Variants in ZNF565 observed in about 807,000 individuals in gnomAD.
ZNF565 encodes zinc finger protein 565.
Under a neutral mutation model 39.4 loss-of-function variants are expected in ZNF565, and 27 were observed. That is an observed-to-expected ratio of 0.69 (90% CI 0.51 to 0.95). The LOEUF (loss-of-function observed/expected upper bound fraction) is 0.95. ZNF565 is among the 40% of genes least tolerant of loss of function. The probability of loss-of-function intolerance (pLI) is 0.00; values close to 1 mark genes in which losing one functional copy is unlikely to be tolerated. For missense variants in ZNF565, 524 were observed against 621.1 expected, an observed-to-expected ratio of 0.84 and a Z score of 1.66; for synonymous variants, 185 against 216.6, an observed-to-expected ratio of 0.85 and a Z score of 1.28.
intron 1 of ZNF565, among the ~76,000 whole-genome samples, chr19:36,213,718 G>C (rs544870546): frequency 4.8e-4 from 67 of 139,444 alleles, no homozygotes; most frequent in African/African-American, 1.8e-3. Flanking sequence ...GTACAGGCCA[G>C]GCTGGTCTCG....
intron 1 of ZNF565, among the ~76,000 whole-genome samples, chr19:36,205,669 T>C (rs1976125392): frequency 6.6e-6 from 1 of 151,414 alleles, no homozygotes; most frequent in East Asian, 1.9e-4. Context: ...AAAGATTGAC[T>C]GAGAGGTACT....
Position 36,194,303 on chromosome 19 carries a change from G to T in ZNF565, c.162C>A (p.Val54=). ...CTTTCCCTTGCTCCAATAAGGAGAC[G>T]ACATCAGGCTTAGAAATGGAGAGTC... ...SLGLSISKPD[V]VSLLEQGKEP... The change falls in exon 4 of 5, where the codon GTC becomes GTA. Residue 54 remains valine (V), a synonymous_variant. Coordinates refer to ENST00000304116, the MANE Select transcript of ZNF565 (RefSeq NM_152477.5). The T allele has an allele frequency of 6.2e-7, 1 of 1,612,142 alleles. No homozygotes were observed. Among genetic ancestry groups the T allele is most frequent in the Non-Finnish European group, 8.5e-7 (1 of 1,179,190 alleles).
At chr19:36,222,070 C>G (rs56316708) in intron 1 of ZNF565, among the ~76,000 whole-genome samples, 33,082 of 150,864 alleles carry the variant, frequency 0.22, 3,654 homozygotes, top group African/African-American at 0.23. Context: ...GCTGGGACCA[C>G]AGGCACACTC....
chr19:36,219,519 T>A (rs192379224), upstream of ZNF565, among the ~76,000 whole-genome samples: 384 of 152,294 alleles, frequency 2.5e-3, 3 homozygotes, highest in African/African-American at 8.8e-3. Context: ...TTTTTTTTAA[T>A]TCTAATTGTG....
intron 1 of ZNF565, among the ~76,000 whole-genome samples, chr19:36,227,136 C>T (rs1977103323): frequency 2.0e-5 from 3 of 151,710 alleles, no homozygotes; most frequent in Admixed American, 2.0e-4. Context: ...CACCTGTAAT[C>T]CCAGCACTTT....
upstream of ZNF565, among the ~76,000 whole-genome samples, chr19:36,216,059 T>C (rs750516719): frequency 1.3e-5 from 2 of 152,194 alleles, no homozygotes; most frequent in African/African-American, 2.4e-5. Context: ...GCTGTCGTCA[T>C]TGACATAGTT....
At chr19:36,199,780 T>G (rs904272461) in intron 2 of ZNF565, among the ~76,000 whole-genome samples, 5 of 152,232 alleles carry the variant, frequency 3.3e-5, no homozygotes, top group African/African-American at 1.2e-4. Context: ...CCTCCCAAAG[T>G]GCTGGGATTA....
intron 1 of ZNF565, among the ~76,000 whole-genome samples, chr19:36,208,273 G>A (rs1243961761): frequency 2.7e-5 from 4 of 150,064 alleles, no homozygotes; most frequent in Non-Finnish European, 4.4e-5. Flanking sequence ...GGGCAGTGGC[G>A]CAATCACAGC....
intron 1 of ZNF565, among the ~76,000 whole-genome samples, chr19:36,234,253 A>G (rs900419939): frequency 6.6e-6 from 1 of 152,210 alleles, no homozygotes; most frequent in African/African-American, 2.4e-5. Context: ...TTCTTAGTAC[A>G]GAACAAAATG....
At chr19:36,195,293 T>C (rs1201288216) in intron 2 of ZNF565, 137 bp from the exon 3 acceptor site, 3 of 1,043,960 alleles carry the variant, frequency 2.9e-6, no homozygotes, top group African/African-American at 3.2e-5. Flanking sequence ...GCTTCAACAG[T>C]TAACAAGGTG....
intron 1 of ZNF565, among the ~76,000 whole-genome samples, chr19:36,205,250 C>T (rs138695443): frequency 5.1e-4 from 78 of 151,848 alleles, no homozygotes; most frequent in African/African-American, 1.6e-3. Context: ...GGTTTTCAGC[C>T]GGGCACGGTG....
Position 36,194,328 on chromosome 19 carries a change from C to A in ZNF565, c.137G>T (p.Gly46Val). Reference sequence around the variant, plus strand: ...GACATCAGGCTTAGAAATGGAGAGTCCTGTTTACAGGAAAAGAAATGGGGT... The same window carrying A: ...GACATCAGGCTTAGAAATGGAGAGTACTGTTTACAGGAAAAGAAATGGGGT... ...LENFGHLASL[G>V]LSISKPDVVS... is the part of the protein sequence containing the mutation. The change falls in exon 4 of 5, where the codon GGA becomes GTA. Residue 46 changes from glycine to valine, a missense_variant and splice_region_variant. Gly to Val is a moderately radical substitution (Grantham distance 109, BLOSUM62 -3). Transcript: ENST00000304116. 6.2e-7 allele frequency: 1 copy of A among 1,607,318 alleles called. No homozygotes were observed. The highest frequency in any genetic ancestry group is 1.1e-5 in the South Asian group (1 of 89,872).
At chr19:36,217,158 G>T (rs898637399), upstream of ZNF565, among the ~76,000 whole-genome samples, 1 of 135,952 alleles carries the variant, frequency 7.4e-6, no homozygotes, top group African/African-American at 2.7e-5. Flanking sequence ...TGCCCCCCAG[G>T]TTCAAGCGAT....
At chr19:36,202,249 C>A (rs567537294) in intron 1 of ZNF565, among the ~76,000 whole-genome samples, 199 bp from the exon 2 acceptor site, 1 of 152,220 alleles carries the variant, frequency 6.6e-6, no homozygotes, top group East Asian at 1.9e-4. Flanking sequence ...CGCCTGTAAA[C>A]CCAGCACCTT....
At position 36,182,814 on chromosome 19, in the gene ZNF565, G is replaced by A; in HGVS notation, c.1152C>T (p.Val384=). The change falls in exon 5 of 5, where the codon GTC becomes GTT. Residue 384 remains valine, a synonymous_variant. Coordinates refer to ENST00000304116, the MANE Select transcript of ZNF565 (RefSeq NM_152477.5). ...ATTCATAGGGTCTGTCGCCAGTATGGACTCTCTGATGTCGTGTGAGCTGTG... is the reference window on the plus strand; with the variant it reads ...ATTCATAGGGTCTGTCGCCAGTATGAACTCTCTGATGTCGTGTGAGCTGTG... ...QHAQLTRHQR[V]HTGDRPYECK... is the part of the protein sequence containing the mutation. 1 of 1,613,920 alleles carries A rather than the reference G, an allele frequency of 6.2e-7. No homozygotes were observed. Among genetic ancestry groups the A allele is most frequent in the Non-Finnish European group, 8.5e-7 (1 of 1,179,988 alleles).
intron 1 of ZNF565, among the ~76,000 whole-genome samples, chr19:36,207,535 T>G (rs1976199292): frequency 9.8e-6 from 1 of 101,698 alleles, no homozygotes. Context: ...TGAGACTCCA[T>G]CTCAAACAAA....
chr19:36,244,977 G>A (rs1398278468), intron 1 of ZNF565, among the ~76,000 whole-genome samples: 1 of 151,886 alleles, frequency 6.6e-6, no homozygotes, highest in African/African-American at 2.4e-5. Flanking sequence ...ACCTTTTCTC[G>A]TATTATGTGG....
chr19:36,211,449 TCACACACACACA>T (rs370230430), intron 1 of ZNF565, among the ~76,000 whole-genome samples: 4,491 of 137,756 alleles, frequency 0.033, 202 homozygotes, highest in African/African-American at 0.11. Context: ...CAACTCTCTC[TCACACACACACA>T]CACACACACA....
chr19:36,194,639 T>A (rs1038027567), intron 3 of ZNF565: 1 of 463,348 alleles, frequency 2.2e-6, no homozygotes. Flanking sequence ...CATGAACCCC[T>A]CCTTCCCCTC....
Sources: allele counts gnomAD v4.1 joint callset (sites outside exome capture counted in the v4.1 genomes callset), GRCh38; gene constraint gnomAD v4.1.1; transcripts MANE v1.5; gene names NCBI Gene and HGNC (gene_info 2026-07-23, HGNC 2026-07-21).